RBM33: variants seen among roughly 807,000 people sequenced by gnomAD.
The protein encoded by RBM33 is RNA binding motif protein 33.
RBM33 carries 28 observed loss-of-function variants against 132.6 expected under a neutral mutation model. The ratio of observed to expected loss-of-function variants is 0.21; its 90% CI spans 0.16 to 0.29. RBM33 has a LOEUF of 0.29. Among genes scored for constraint, RBM33 ranks in the 10% least tolerant of loss-of-function variants. The pLI is 1.00. For missense variants in RBM33, 1,291 were observed against 1,518.5 expected, an observed-to-expected ratio of 0.85 and a Z score of 2.49; for synonymous variants, 634 against 593.0, an observed-to-expected ratio of 1.07 and a Z score of -1.01.
chr7:155,678,147 T>C (rs1387735669), intron 3 of RBM33, among the ~76,000 whole-genome samples: 1 of 85,980 alleles, frequency 1.2e-5, no homozygotes, highest in Non-Finnish European at 3.1e-5. Context: ...CAAAGTTTTA[T>C]AGTCTCATTT....
At chr7:155,748,747 T>A (rs1243349484) in intron 14 of RBM33, among the ~76,000 whole-genome samples, 1 of 152,104 alleles carries the variant, frequency 6.6e-6, no homozygotes, top group Non-Finnish European at 1.5e-5. Flanking sequence ...TGTAAGAGAA[T>A]GTCTAGTCCT....
At chr7:155,730,105 G>A in intron 9 of RBM33, among the ~76,000 whole-genome samples, 1 of 152,320 alleles carries the variant, frequency 6.6e-6, no homozygotes, top group South Asian at 2.1e-4. Context: ...ATGACCGCCT[G>A]TGTGCCAGGC....
At position 155,766,538 on chromosome 7, in the gene RBM33, G is replaced by T. The variant is rs1395351176; in HGVS notation, c.3258G>T (p.Gln1086His). 2 of 1,613,802 alleles carry T rather than the reference G, an allele frequency of 1.2e-6. No individual in the cohort carries two copies. The highest frequency in any genetic ancestry group is 1.7e-5 in the Admixed American group (1 of 59,994). Residue 1086 changes from glutamine to histidine, a missense_variant, in exon 16 of 18, where the codon CAG (glutamine) becomes CAT (histidine). Gln to His is a conservative substitution (Grantham distance 24). Around this residue, in one of 7 missense-constraint regions of RBM33, gnomAD observed 841 missense variants for 912.0 expected, o/e 0.92. Coordinates refer to ENST00000401878, the MANE Select transcript of RBM33 (RefSeq NM_053043.3). The stretch of plus-strand genomic sequence containing the variant: ...GGGGGCGCCTGATGCCAAACAAGCA[G>T]AACCTGCGGGTGGTGGAGTGCAAGC... ...MGRGRLMPNK[Q>H]NLRVVECKPQ...
At chr7:155,731,390 A>C (rs1440239601) in intron 9 of RBM33, among the ~76,000 whole-genome samples, 10 of 152,236 alleles carry the variant, frequency 6.6e-5, no homozygotes, top group Admixed American at 6.5e-4. Context: ...ATTAGGCACA[A>C]TAAGAGATGA....
intron 14 of RBM33, among the ~76,000 whole-genome samples, chr7:155,747,802 A>G (rs767963696): frequency 1.3e-5 from 2 of 152,236 alleles, no homozygotes; most frequent in Non-Finnish European, 2.9e-5. Flanking sequence ...AGCAGGGAAG[A>G]TGTCTTGTTC....
intron 9 of RBM33, among the ~76,000 whole-genome samples, chr7:155,720,917 G>GGAAC (rs1800603405): frequency 6.6e-6 from 1 of 152,192 alleles, no homozygotes. Context: ...ACAAAGTGAT[G>GGAAC]GAACATTGAA....
rs1212421950 is a variant in RBM33 at position 155,780,497 on chromosome 7, G to C, written c.*5456G>C. The C allele has an allele frequency of 6.6e-6, 1 of 152,294 alleles. No individual in the cohort carries two copies. The highest frequency in any genetic ancestry group is 2.4e-5 in the African/African-American group (1 of 41,406). 9.4% of individuals were successfully genotyped at this position (152,294 alleles called of 1,614,324 possible). A position where few individuals can be genotyped will look rare whatever the true frequency, so the allele number is the denominator to read the frequency against. ...CTTGCTACTGTTCATTTAGTAATGG[G>C]ATCACCTCACCATGCCATGCTCTGG... On this transcript the variant is annotated 3_prime_UTR_variant, in exon 18 of 18. Coordinates refer to ENST00000401878, the MANE Select transcript of RBM33 (RefSeq NM_053043.3).
chr7:155,763,369 T>C (rs1032567439), intron 14 of RBM33, among the ~76,000 whole-genome samples: 5 of 152,218 alleles, frequency 3.3e-5, no homozygotes, highest in South Asian at 2.1e-4. Flanking sequence ...GTTGGGCTCA[T>C]TGCCTTCTTA....
rs1466951577 is a variant in RBM33, at chr7:155,766,447, A to T, written c.3187-20A>T. 6.2e-7 allele frequency: 1 copy of T among 1,611,804 alleles called. No homozygotes were observed. Among genetic ancestry groups the T allele is most frequent in the Admixed American group, 1.7e-5 (1 of 59,814 alleles). ...AGCTCAGGCTTGAAACTCTGAATGT[A>T]TTTCCTTTGTTGTCACCAGGCCATC... On this transcript the variant is annotated intron_variant, in intron 15 of 17. Transcript: ENST00000401878.
intron 13 of RBM33, among the ~76,000 whole-genome samples, chr7:155,743,260 A>G (rs1265854886): frequency 6.6e-6 from 1 of 152,258 alleles, no homozygotes; most frequent in Non-Finnish European, 1.5e-5. Flanking sequence ...AGTCTTTGGT[A>G]AAAGTTTTAT....
rs561666197 is a variant in RBM33, at chr7:155,644,707, T to C, written c.-170T>C. 5.1e-4 allele frequency: 252 copies of C among 489,344 alleles called. 1 individual carries two copies. The highest frequency in any genetic ancestry group is 4.0e-3 in the African/African-American group (199 of 49,328). The allele number at this position is 489,344 out of a possible 1,614,324, so 30.3% of individuals were successfully genotyped here. A position where few individuals can be genotyped will look rare whatever the true frequency, so the allele number is the denominator to read the frequency against. On this transcript the variant is annotated 5_prime_UTR_variant, in exon 1 of 18. Transcript: ENST00000401878. ...TTGCGGTAGTTTGTTGTTTTCTTCCTGCGGAGGCGAAGGGCCAGCTGTGGA... is the reference window on the plus strand; with the variant it reads ...TTGCGGTAGTTTGTTGTTTTCTTCCCGCGGAGGCGAAGGGCCAGCTGTGGA...
intron 3 of RBM33, among the ~76,000 whole-genome samples, chr7:155,673,756 G>GCA (rs1563137945): frequency 2.0e-4 from 13 of 64,982 alleles, no homozygotes; most frequent in African/African-American, 4.1e-4. Context: ...GTGTATATAC[G>GCA]CGCGCATGCG....
intron 16 of RBM33, among the ~76,000 whole-genome samples, chr7:155,768,275 C>T (rs963444119): frequency 6.6e-6 from 1 of 152,212 alleles, no homozygotes; most frequent in Non-Finnish European, 1.5e-5. Flanking sequence ...TCAGAGCCTA[C>T]ATTGTGAGAA....
At chr7:155,739,596 AGTTTTGGTATCGCTGAAAGTTCCTT>A in intron 11 of RBM33, 94 bp from the exon 12 acceptor site, 1 of 1,100,226 alleles carries the variant, frequency 9.1e-7, no homozygotes, top group Middle Eastern at 2.1e-4. Context: ...TCTAAAATGA[AGTTTTGGTATCGCTGAAAGTTCCTT>A]TCTTGTGTTG....
chr7:155,689,029 A>G (rs1034936618), intron 5 of RBM33, among the ~76,000 whole-genome samples: 4 of 152,212 alleles, frequency 2.6e-5, no homozygotes, highest in Non-Finnish European at 4.4e-5. Flanking sequence ...ATTGATTGGA[A>G]TAGTTTCGGA....
rs144281071 is a variant in RBM33 at position 155,748,500 on chromosome 7, A to G, written c.2979+2898A>G. On this transcript the variant is annotated intron_variant, in intron 14 of 17. Transcript: ENST00000401878. ...CTTGCCATTCTTACTATGATATACAATTTAATTAGGTTTCTGTGAGTGTAC... is the reference window on the plus strand; with the variant it reads ...CTTGCCATTCTTACTATGATATACAGTTTAATTAGGTTTCTGTGAGTGTAC... 3.9e-3 allele frequency among the ~76,000 whole-genome samples: 599 copies of G among 152,332 alleles called. 2 individuals are homozygous for G. Among genetic ancestry groups the G allele is most frequent in the Admixed American group, 6.0e-3 (92 of 15,302 alleles).
intron 14 of RBM33, among the ~76,000 whole-genome samples, chr7:155,760,399 GT>G (rs113598653): frequency 0.016 from 2,482 of 152,306 alleles, 62 homozygotes; most frequent in African/African-American, 0.055. Flanking sequence ...ATCACAGTCA[GT>G]AAGACTGTTG....
chr7:155,730,180 G>A (rs890497004), intron 9 of RBM33, among the ~76,000 whole-genome samples: 1 of 152,176 alleles, frequency 6.6e-6, no homozygotes, highest in African/African-American at 2.4e-5. Context: ...TCACGGACCC[G>A]GCAGTTGAAG....
chr7:155,663,945 T>A lies in RBM33; in HGVS notation c.44-1230T>A, dbSNP rs184690340. Reference sequence around the variant, plus strand: ...GGTGCCACCCATTTGTCAGTTCTTGTATTTTAAAATACGTTGTCAAATTTA... The same window carrying A: ...GGTGCCACCCATTTGTCAGTTCTTGAATTTTAAAATACGTTGTCAAATTTA... On this transcript the variant is annotated intron_variant, in intron 1 of 17. Transcript: ENST00000401878. Among the ~76,000 whole-genome samples the A allele has an allele frequency of 5.3e-5, 8 of 152,364 alleles. No individual in the cohort carries two copies. In the East Asian group the frequency reaches 1.5e-3, roughly 29 times the overall value.
Sources: allele counts gnomAD v4.1 joint callset (sites outside exome capture counted in the v4.1 genomes callset), GRCh38; gene constraint gnomAD v4.1.1; regional missense constraint gnomAD v4.1.1; transcripts MANE v1.5; gene names NCBI Gene and HGNC (gene_info 2026-07-23, HGNC 2026-07-21).